Variants in EYS observed in about 807,000 individuals in gnomAD.
EYS encodes protein eyes shut homolog.
In EYS, 250 loss-of-function variants were observed where a neutral mutation model predicts 282.1. The ratio of observed to expected loss-of-function variants is 0.89; its 90% CI spans 0.80 to 0.98. The LOEUF (loss-of-function observed/expected upper bound fraction) is 0.98, where lower values mean the gene tolerates loss of function less well. EYS is among the 50% of genes least tolerant of loss of function. EYS has a pLI of 0.00. For synonymous variants in EYS, 1,355 were observed against 1,282.9 expected, an observed-to-expected ratio of 1.06 and a Z score of -1.20; for missense variants, 4,016 against 3,709.0, an observed-to-expected ratio of 1.08 and a Z score of -2.15.
chr6:64,483,400 A>G (rs987996286), intron 26 of EYS, among the ~76,000 whole-genome samples: 3 of 151,716 alleles, frequency 2.0e-5, no homozygotes, highest in Non-Finnish European at 4.4e-5. Flanking sequence ...GGTGCTGAAG[A>G]ATTCTACATT....
intron 35 of EYS, among the ~76,000 whole-genome samples, chr6:63,889,862 G>A (rs749005667): frequency 3.6e-4 from 55 of 152,018 alleles, no homozygotes; most frequent in Non-Finnish European, 7.4e-4. Context: ...TCAGTCTGCT[G>A]TATTCAGGAG....
chr6:64,552,309 A>G lies in EYS; in HGVS notation c.5644+37914T>C, dbSNP rs139222742. ...AAGTATTAATATTTTACTCCCAAAC[A>G]TATTTATTTGACATATTTTGAAATG... is the stretch of plus-strand genomic sequence containing the variant. On this transcript the variant is annotated intron_variant, in intron 26 of 42. Transcript: ENST00000503581. Among the ~76,000 whole-genome samples the G allele has an allele frequency of 3.0e-3, 461 of 152,246 alleles. 1 individual carries two copies. The highest frequency in any genetic ancestry group is 1.0e-2 in the African/African-American group (414 of 41,546).
At chr6:64,846,900 G>T (rs1428093291) in intron 19 of EYS, among the ~76,000 whole-genome samples, 1 of 152,050 alleles carries the variant, frequency 6.6e-6, no homozygotes, top group African/African-American at 2.4e-5. Flanking sequence ...CTGGACCTCA[G>T]GGTGTTTAAA....
At chr6:64,904,524 GATGTTTA>G (rs1435926083) in intron 16 of EYS, among the ~76,000 whole-genome samples, 2 of 152,128 alleles carry the variant, frequency 1.3e-5, no homozygotes, top group Non-Finnish European at 2.9e-5. Flanking sequence ...ATTTTCAAAA[GATGTTTA>G]ATTCTTTAAG....
At chr6:64,260,565 A>G (rs1474830) in intron 30 of EYS, among the ~76,000 whole-genome samples, 104,419 of 151,844 alleles carry the variant, frequency 0.69, 35,928 homozygotes, top group South Asian at 0.71. Context: ...GTAAACATCT[A>G]TACTGATGAT....
chr6:65,649,384 C>G (rs1767574270), intron 1 of EYS, among the ~76,000 whole-genome samples: 1 of 152,092 alleles, frequency 6.6e-6, no homozygotes, highest in Admixed American at 6.5e-5. Flanking sequence ...CACACACACA[C>G]ACACATACAC....
intron 12 of EYS, among the ~76,000 whole-genome samples, chr6:65,108,390 T>G (rs1775107457): frequency 6.6e-6 from 1 of 152,090 alleles, no homozygotes; most frequent in South Asian, 2.1e-4. Context: ...CTTGACCTCT[T>G]GGGTTCAGGT....
At chr6:65,075,090 T>G (rs889264426) in intron 12 of EYS, among the ~76,000 whole-genome samples, 1 of 152,076 alleles carries the variant, frequency 6.6e-6, no homozygotes, top group African/African-American at 2.4e-5. Context: ...CCCACTCTAC[T>G]TGTTATCTTC....
chr6:64,484,920 T>A (rs1238710740), intron 26 of EYS, among the ~76,000 whole-genome samples: 1 of 151,610 alleles, frequency 6.6e-6, no homozygotes, highest in African/African-American at 2.4e-5. Flanking sequence ...AGCCAAGGCC[T>A]GGCCTGAGTT....
At chr6:63,842,283 CT>C (rs1161503456) in intron 36 of EYS, among the ~76,000 whole-genome samples, 1 of 152,110 alleles carries the variant, frequency 6.6e-6, no homozygotes, top group Non-Finnish European at 1.5e-5. Context: ...TGTTTCCTGA[CT>C]TTTTAATGAT....
At chr6:64,299,948 C>T (rs1769175487) in intron 30 of EYS, among the ~76,000 whole-genome samples, 1 of 152,068 alleles carries the variant, frequency 6.6e-6, no homozygotes, top group Non-Finnish European at 1.5e-5. Flanking sequence ...ACCTCCTTGT[C>T]CCTCAGACAC....
chr6:65,224,665 A>C (rs1184473119), intron 12 of EYS, among the ~76,000 whole-genome samples: 2 of 152,172 alleles, frequency 1.3e-5, no homozygotes. Flanking sequence ...ACTAAAAAAA[A>C]CAGCAGGAGA....
At chr6:63,725,328 CAA>C (rs139316683) in intron 42 of EYS, among the ~76,000 whole-genome samples, 1,684 of 151,940 alleles carry the variant, frequency 0.011, 34 homozygotes, top group African/African-American at 0.038. Context: ...TATACACAAA[CAA>C]ATATGTATCG....
intron 5 of EYS, among the ~76,000 whole-genome samples, chr6:65,486,549 C>A (rs980227358): frequency 6.6e-6 from 1 of 152,060 alleles, no homozygotes; most frequent in Non-Finnish European, 1.5e-5. Context: ...AAGTTTATTC[C>A]TCCATGATTC....
chr6:65,669,272 T>C (rs900550227), intron 1 of EYS, among the ~76,000 whole-genome samples: 2 of 151,968 alleles, frequency 1.3e-5, no homozygotes, highest in Admixed American at 6.6e-5. Flanking sequence ...ATAAACAAAG[T>C]AGATGATATA....
rs1025642156 is a variant in EYS at position 64,198,370 on chromosome 6, A to G, written c.6424+32222T>C. 4.6e-5 allele frequency among the ~76,000 whole-genome samples: 7 copies of G among 152,082 alleles called. 1 individual carries two copies. The highest frequency in any genetic ancestry group is 1.0e-4 in the Non-Finnish European group (7 of 68,016). On this transcript the variant is annotated intron_variant, in intron 31 of 42. Coordinates refer to ENST00000503581, the MANE Select transcript of EYS (RefSeq NM_001142800.2). ...CATGTGCAGAATGTGCAGGTTTGTT[A>G]CATAGGTATACATGTGCCATGGTGG...
At chr6:65,009,099 T>C (rs1771783044) in intron 13 of EYS, among the ~76,000 whole-genome samples, 1 of 152,110 alleles carries the variant, frequency 6.6e-6, no homozygotes, top group Admixed American at 6.5e-5. Flanking sequence ...TGTCCCCTGC[T>C]TGAGGAAGGA....
intron 35 of EYS, among the ~76,000 whole-genome samples, chr6:63,895,481 A>G (rs139427247): frequency 2.6e-5 from 4 of 152,340 alleles, no homozygotes; most frequent in East Asian, 1.9e-4. Flanking sequence ...ATTCTCTGTT[A>G]AAAAGCAATA....
At chr6:63,814,240 A>G (rs1771121821) in intron 36 of EYS, among the ~76,000 whole-genome samples, 1 of 152,242 alleles carries the variant, frequency 6.6e-6, no homozygotes, top group Non-Finnish European at 1.5e-5. Context: ...TTTAAAGGGA[A>G]TAGAAATAAA....
Sources: gnomAD v4.1 joint callset for allele counts (sites outside exome capture counted in the v4.1 genomes callset) on GRCh38, gnomAD v4.1.1 for gene constraint, MANE v1.5 for transcripts, NCBI Gene and HGNC (gene_info 2026-07-23, HGNC 2026-07-21) for gene names.